CNTLN: variants seen among roughly 807,000 people sequenced by gnomAD.
CNTLN encodes the protein centlein, also known as centlein, centrosomal protein.
Under a neutral mutation model 180.0 loss-of-function variants are expected in CNTLN, and 212 were observed. The ratio of observed to expected loss-of-function variants is 1.18; its 90% CI spans 1.05 to 1.32. The LOEUF (loss-of-function observed/expected upper bound fraction) is 1.32, where lower values mean the gene tolerates loss of function less well. CNTLN is among the 40% of genes most tolerant of loss of function. The probability of loss-of-function intolerance (pLI) is 0.00; values close to 1 mark genes in which losing one functional copy is unlikely to be tolerated. For missense variants in CNTLN, 2,095 were observed against 1,610.9 expected, an observed-to-expected ratio of 1.30 and a Z score of -5.14; for synonymous variants, 722 against 563.1, an observed-to-expected ratio of 1.28 and a Z score of -3.99.
At chr9:17,397,674 C>A (rs192789075) in intron 15 of CNTLN, among the ~76,000 whole-genome samples, 107 of 152,316 alleles carry the variant, frequency 7.0e-4, no homozygotes, top group African/African-American at 2.5e-3. Flanking sequence ...CCCGGCAGAT[C>A]TGAGCCCTAT....
At chr9:17,338,079 A>G (rs1821171035) in intron 10 of CNTLN, among the ~76,000 whole-genome samples, 1 of 151,924 alleles carries the variant, frequency 6.6e-6, no homozygotes. Flanking sequence ...TTATGTTTTG[A>G]CATGAATCTC....
the CNTLN span, among the ~76,000 whole-genome samples, chr9:17,528,286 G>A: frequency 1.3e-5 from 2 of 152,298 alleles, no homozygotes; most frequent in African/African-American, 4.8e-5. Flanking sequence ...GGTTAACAAT[G>A]GTGATAAGTC....
At chr9:17,330,088 T>C (rs1199590360) in intron 8 of CNTLN, among the ~76,000 whole-genome samples, 1 of 152,052 alleles carries the variant, frequency 6.6e-6, no homozygotes, top group Non-Finnish European at 1.5e-5. Context: ...CCATTAGCAG[T>C]TTATCTGAAA....
intron 2 of CNTLN, among the ~76,000 whole-genome samples, chr9:17,177,880 A>T: frequency 6.6e-6 from 1 of 152,162 alleles, no homozygotes; most frequent in Non-Finnish European, 1.5e-5. Context: ...TGGCTCAGGC[A>T]GCGGTGCTTT....
intron 12 of CNTLN, among the ~76,000 whole-genome samples, chr9:17,358,665 C>G (rs1475188959): frequency 2.0e-5 from 3 of 151,918 alleles, no homozygotes; most frequent in African/African-American, 7.3e-5. Context: ...TTGAAATATG[C>G]TTTCTACTTT....
At chr9:17,255,001 C>G (rs1051557697) in intron 5 of CNTLN, among the ~76,000 whole-genome samples, 4 of 151,576 alleles carry the variant, frequency 2.6e-5, no homozygotes, top group African/African-American at 9.7e-5. Flanking sequence ...GTCTTTCACC[C>G]CCTTGGCTAG....
intron 2 of CNTLN, among the ~76,000 whole-genome samples, chr9:17,188,501 A>G (rs1031313074): frequency 1.3e-5 from 2 of 152,168 alleles, no homozygotes; most frequent in African/African-American, 4.8e-5. Flanking sequence ...TAGTGATCCA[A>G]ATGAATATAA....
chr9:17,213,921 T>A (rs58603799), intron 2 of CNTLN, among the ~76,000 whole-genome samples: 6,011 of 152,208 alleles, frequency 0.039, 391 homozygotes, highest in African/African-American at 0.14. Context: ...ATCTTCCTCC[T>A]TCCCTTTATT....
intron 23 of CNTLN, among the ~76,000 whole-genome samples, chr9:17,476,942 C>T (rs1429248637): frequency 1.3e-5 from 2 of 152,206 alleles, no homozygotes; most frequent in Non-Finnish European, 2.9e-5. Flanking sequence ...AAGGAGAAGT[C>T]AATGCCTGGC....
At chr9:17,170,399 C>T (rs1209692442) in intron 2 of CNTLN, among the ~76,000 whole-genome samples, 1 of 152,032 alleles carries the variant, frequency 6.6e-6, no homozygotes. Flanking sequence ...TGCTTAATTG[C>T]TTTGGGTAGG....
intron 5 of CNTLN, among the ~76,000 whole-genome samples, chr9:17,238,763 T>A (rs1825309688): frequency 6.6e-6 from 1 of 152,196 alleles, no homozygotes. Context: ...AACTTTGCCA[T>A]GGGTAAGGAA....
chr9:17,217,100 C>T (rs745611038), intron 2 of CNTLN, among the ~76,000 whole-genome samples: 19 of 152,254 alleles, frequency 1.2e-4, no homozygotes, highest in East Asian at 1.9e-4. Context: ...CAAACTTTTA[C>T]AATAGATGCA....
chr9:17,407,572 C>G (rs1827491332), intron 15 of CNTLN, among the ~76,000 whole-genome samples: 1 of 152,040 alleles, frequency 6.6e-6, no homozygotes. Flanking sequence ...CTATAAAATA[C>G]CAGTTGCACT....
At chr9:17,192,064 C>T (rs1159788729) in intron 2 of CNTLN, among the ~76,000 whole-genome samples, 3 of 152,026 alleles carry the variant, frequency 2.0e-5, no homozygotes, top group Non-Finnish European at 1.5e-5. Flanking sequence ...GGAAAATATT[C>T]CTATATACTA....
chr9:17,192,763 G>A (rs1428744400), intron 2 of CNTLN, among the ~76,000 whole-genome samples: 1 of 152,190 alleles, frequency 6.6e-6, no homozygotes, highest in East Asian at 1.9e-4. Flanking sequence ...AAGACAACAA[G>A]TGAATGCAAT....
At chr9:17,309,822 G>A (rs1211248006) in intron 8 of CNTLN, among the ~76,000 whole-genome samples, 1 of 151,900 alleles carries the variant, frequency 6.6e-6, no homozygotes, top group African/African-American at 2.4e-5. Context: ...ATAATCTTCA[G>A]GGCAACTTTC....
At chr9:17,264,923 G>A (rs1827294314) in intron 5 of CNTLN, among the ~76,000 whole-genome samples, 1 of 149,492 alleles carries the variant, frequency 6.7e-6, no homozygotes, top group African/African-American at 2.5e-5. Flanking sequence ...TTGCTCATCA[G>A]CTTAAGGAGA....
intron 6 of CNTLN, among the ~76,000 whole-genome samples, chr9:17,280,798 A>G (rs1318657833): frequency 6.6e-6 from 1 of 152,120 alleles, no homozygotes; most frequent in Non-Finnish European, 1.5e-5. Flanking sequence ...GTATAGTAGC[A>G]TTGTTTATCC....
At chr9:17,162,485 T>G (rs1447377260) in intron 2 of CNTLN, among the ~76,000 whole-genome samples, 2 of 152,358 alleles carry the variant, frequency 1.3e-5, no homozygotes, top group East Asian at 3.9e-4. Flanking sequence ...AGCATTGCCT[T>G]AAGTTCCTAT....
Sources: gnomAD v4.1 joint callset for allele counts (sites outside exome capture counted in the v4.1 genomes callset) on GRCh38, gnomAD v4.1.1 for gene constraint, MANE v1.5 for transcripts, NCBI Gene and HGNC (gene_info 2026-07-23, HGNC 2026-07-21) for gene names.